Variants in IQSEC1 observed in about 807,000 individuals in gnomAD.
IQSEC1 encodes the protein IQ motif and SEC7 domain-containing protein 1.
Under a neutral mutation model 91.0 loss-of-function variants are expected in IQSEC1, and 31 were observed. The ratio of observed to expected loss-of-function variants is 0.34; its 90% CI spans 0.26 to 0.46. The LOEUF is 0.46. Among genes scored for constraint, IQSEC1 ranks in the 20% least tolerant of loss-of-function variants. The pLI is 1.00. For missense variants in IQSEC1, 1,388 were observed against 1,575.6 expected (o/e 0.88, Z 2.02); for synonymous variants, 699 against 662.6 (o/e 1.05, Z -0.84).
intron 1 of IQSEC1, among the ~76,000 whole-genome samples, chr3:13,217,977 C>A (rs943299326): frequency 2.0e-5 from 3 of 152,228 alleles, no homozygotes; most frequent in Admixed American, 2.0e-4. Context: ...AATGACCTGA[C>A]CTCTACACAG....
chr3:13,128,891 A>AG (rs896803130), intron 2 of IQSEC1, among the ~76,000 whole-genome samples: 3 of 151,906 alleles, frequency 2.0e-5, no homozygotes, highest in African/African-American at 7.2e-5. Context: ...AAAAAAAAAA[A>AG]AAAAAAGAAA....
At chr3:13,237,319 C>T (rs1160770670) in intron 1 of IQSEC1, among the ~76,000 whole-genome samples, 1 of 152,208 alleles carries the variant, frequency 6.6e-6, no homozygotes, top group African/African-American at 2.4e-5. Context: ...GGGACAGGCC[C>T]CATCATCCTC....
In IQSEC1 at chr3:12,899,343, G is replaced by A. The variant is rs759779385; in HGVS notation, c.*1640C>T. On this transcript the variant is annotated 3_prime_UTR_variant, in exon 14 of 14. Coordinates refer to ENST00000613206, the MANE Select transcript of IQSEC1 (RefSeq NM_001134382.3). ...CGTGAGCTTCGCCCTTTCTGAAAGGGCCTCCGCCTGGGCAGGCGCCGGGGG... is the reference window on the plus strand; with the variant it reads ...CGTGAGCTTCGCCCTTTCTGAAAGGACCTCCGCCTGGGCAGGCGCCGGGGG... The A allele has an allele frequency of 3.9e-5, 63 of 1,602,562 alleles. No homozygotes were observed. In the Admixed American group the frequency reaches 1.1e-3, roughly 27 times the overall value.
intron 1 of IQSEC1, among the ~76,000 whole-genome samples, chr3:13,003,094 G>C (rs1702490223): frequency 6.6e-6 from 1 of 151,996 alleles, no homozygotes; most frequent in South Asian, 2.1e-4. Flanking sequence ...ATCAACCGGG[G>C]AATGGATAAA....
At chr3:13,071,032 A>C (rs1426561501) in intron 1 of IQSEC1, among the ~76,000 whole-genome samples, 1 of 152,236 alleles carries the variant, frequency 6.6e-6, no homozygotes, top group Non-Finnish European at 1.5e-5. Flanking sequence ...GCATCACGGG[A>C]ACATCAACCA....
chr3:13,251,724 A>G (rs1576310928), intron 1 of IQSEC1, among the ~76,000 whole-genome samples: 1 of 152,212 alleles, frequency 6.6e-6, no homozygotes. Context: ...GTTCCATTCA[A>G]CAATATTCTA....
chr3:13,098,269 A>G (rs1012438858), intron 2 of IQSEC1, among the ~76,000 whole-genome samples: 2 of 152,272 alleles, frequency 1.3e-5, no homozygotes, highest in African/African-American at 4.8e-5. Flanking sequence ...CAATCAATGG[A>G]ACCAACGAGG....
chr3:12,899,952 C>A lies in IQSEC1; in HGVS notation c.*1031G>T. On this transcript the variant is annotated 3_prime_UTR_variant, in exon 14 of 14. Transcript: ENST00000613206. The stretch of plus-strand genomic sequence containing the variant: ...GACTCTGAATGAGTGTGCGTCAAAT[C>A]ATATGCGCATAAAAGAAACATGGAT... 1 of 985,266 alleles carries A rather than the reference C, an allele frequency of 1.0e-6. No homozygotes were observed. The highest frequency in any genetic ancestry group is 1.2e-6 in the Non-Finnish European group (1 of 829,886). 61.0% of individuals were successfully genotyped at this position (985,266 alleles called of 1,614,324 possible).
chr3:13,090,001 G>A (rs1306188224), intron 2 of IQSEC1, among the ~76,000 whole-genome samples: 5 of 152,188 alleles, frequency 3.3e-5, no homozygotes, highest in South Asian at 4.1e-4. Context: ...GGATCACGAG[G>A]TCAGGAGATC....
At chr3:13,270,668 G>T (rs759967730) in intron 1 of IQSEC1, among the ~76,000 whole-genome samples, 1 of 152,110 alleles carries the variant, frequency 6.6e-6, no homozygotes, top group African/African-American at 2.4e-5. Context: ...TAAACAAGGG[G>T]ATTAAAATAT....
chr3:13,061,307 G>C (rs113423701), intron 1 of IQSEC1, among the ~76,000 whole-genome samples: 328 of 152,294 alleles, frequency 2.2e-3, no homozygotes, highest in Non-Finnish European at 3.9e-3. Flanking sequence ...TGAGATGCTG[G>C]TAAAAAGGAT....
At position 13,196,021 on chromosome 3, in the gene IQSEC1, A is replaced by T. The variant is rs79115915; in HGVS notation, c.273-31888T>A. On this transcript the variant is annotated intron_variant, in intron 1 of 15. Coordinates refer to the IQSEC1 transcript ENST00000648114. ...TCTCTGAATAGAAGGTTACTTTTTTAAAAAATTACTAAGAGTTTCGGTTTT... is the reference window on the plus strand; with the variant it reads ...TCTCTGAATAGAAGGTTACTTTTTTTAAAAATTACTAAGAGTTTCGGTTTT... Among the ~76,000 whole-genome samples, 560 of 152,314 alleles carry T rather than the reference A, an allele frequency of 3.7e-3. 5 individuals are homozygous for T. Among genetic ancestry groups the T allele is most frequent in the African/African-American group, 0.013 (526 of 41,564 alleles).
chr3:13,052,914 T>C (rs1704742009), intron 1 of IQSEC1: 2 of 844,594 alleles, frequency 2.4e-6, no homozygotes, highest in Admixed American at 1.8e-5. Context: ...TACGGCAACA[T>C]GATTGTGACC....
At chr3:13,091,764 C>T (rs11710337) in intron 2 of IQSEC1, among the ~76,000 whole-genome samples, 2,246 of 152,318 alleles carry the variant, frequency 0.015, 20 homozygotes, top group Non-Finnish European at 0.025. Context: ...GTGCCTGAAG[C>T]TCCAACATAA....
chr3:13,221,270 C>T (rs1446537614), intron 1 of IQSEC1, among the ~76,000 whole-genome samples: 2 of 152,204 alleles, frequency 1.3e-5, no homozygotes, highest in African/African-American at 2.4e-5. Context: ...GGCTTCAGCC[C>T]GCCTGCTCTG....
chr3:13,230,414 G>A (rs545663067), intron 1 of IQSEC1, among the ~76,000 whole-genome samples: 1 of 152,138 alleles, frequency 6.6e-6, no homozygotes, highest in Non-Finnish European at 1.5e-5. Context: ...CTAAAGCTTT[G>A]GCTAACTTTC....
At chr3:13,275,130 T>C (rs969150324) in intron 1 of IQSEC1, among the ~76,000 whole-genome samples, 1 of 152,194 alleles carries the variant, frequency 6.6e-6, no homozygotes, top group Non-Finnish European at 1.5e-5. Context: ...ATGAGGACAG[T>C]TCACACTTGT....
At chr3:12,946,339 A>C (rs1251939541) in intron 1 of IQSEC1, among the ~76,000 whole-genome samples, 2 of 152,186 alleles carry the variant, frequency 1.3e-5, no homozygotes, top group African/African-American at 4.8e-5. Context: ...TGAATTTATT[A>C]TCTCTCTCAG....
intron 2 of IQSEC1, among the ~76,000 whole-genome samples, chr3:13,083,015 C>T (rs977499664): frequency 1.3e-5 from 2 of 152,180 alleles, no homozygotes; most frequent in Admixed American, 6.5e-5. Context: ...CCCTCACAGT[C>T]GTCGACCTGA....
Sources: gnomAD v4.1 joint callset for allele counts (sites outside exome capture counted in the v4.1 genomes callset) on GRCh38, gnomAD v4.1.1 for gene constraint, MANE v1.5 for transcripts, NCBI Gene and HGNC (gene_info 2026-07-23, HGNC 2026-07-21) for gene names.